Variants in CLPTM1 observed in about 807,000 individuals in gnomAD.
The protein encoded by CLPTM1 is CLPTM1 regulator of GABA type A receptor forward trafficking.
A neutral mutation model predicts 77.3 loss-of-function variants in CLPTM1; 21 were observed. The ratio of observed to expected loss-of-function variants is 0.27; its 90% CI spans 0.19 to 0.39. The LOEUF is 0.39. Among genes scored for constraint, CLPTM1 ranks in the 10% least tolerant of loss-of-function variants. The pLI, the probability that CLPTM1 is intolerant of heterozygous loss-of-function variation, is 1.00. For missense variants in CLPTM1, 642 were observed against 921.2 expected, an observed-to-expected ratio of 0.70 and a Z score of 3.92; for synonymous variants, 373 against 381.0, an observed-to-expected ratio of 0.98 and a Z score of 0.24.
chr19:44,960,649 A>G (rs1020804494), intron 1 of CLPTM1, among the ~76,000 whole-genome samples: 2 of 152,172 alleles, frequency 1.3e-5, no homozygotes, highest in African/African-American at 2.4e-5. Context: ...GACATTTGCT[A>G]TCTGGTGGGT....
chr19:44,962,510 T>G (rs1342422786), intron 2 of CLPTM1, among the ~76,000 whole-genome samples: 3 of 152,160 alleles, frequency 2.0e-5, no homozygotes, highest in African/African-American at 7.2e-5. Context: ...GAAGGCCGTC[T>G]TCTCCCTGTG....
chr19:44,955,199 T>G (rs1424561092), upstream of CLPTM1: 30 of 1,532,870 alleles, frequency 2.0e-5, no homozygotes, highest in African/African-American at 2.7e-5. Flanking sequence ...ACAAACGGGC[T>G]GGGAGAAAGA....
At chr19:44,964,567 T>A (rs2122247370) in intron 2 of CLPTM1, among the ~76,000 whole-genome samples, 1 of 152,200 alleles carries the variant, frequency 6.6e-6, no homozygotes, top group East Asian at 1.9e-4. Context: ...CGCCTCAGCC[T>A]CCTAAAGTCC....
chr19:44,977,516 GCC>G, intron 5 of CLPTM1, 56 bp downstream of exon 5: 1 of 1,318,788 alleles, frequency 7.6e-7, no homozygotes, highest in Non-Finnish European at 1.1e-6. Flanking sequence ...CATCCTGGGA[GCC>G]CCCAGGCTAA....
chr19:44,982,090 T>C (rs1970906130), intron 5 of CLPTM1, among the ~76,000 whole-genome samples: 1 of 151,210 alleles, frequency 6.6e-6, no homozygotes, highest in Non-Finnish European at 1.5e-5. Flanking sequence ...GGCTCACATC[T>C]GTAATCCCAG....
chr19:44,973,773 T>TTTTTG (rs1034104457), intron 3 of CLPTM1, among the ~76,000 whole-genome samples: 2 of 145,976 alleles, frequency 1.4e-5, no homozygotes, highest in African/African-American at 5.2e-5. Flanking sequence ...TTTTTTTTTT[T>TTTTTG]TTTTTTTTGA....
chr19:44,963,857 A>G (rs575904628), intron 2 of CLPTM1, among the ~76,000 whole-genome samples: 3 of 151,446 alleles, frequency 2.0e-5, no homozygotes, highest in Admixed American at 6.6e-5. Flanking sequence ...ACCTCAGGCA[A>G]TCTGCCCGCC....
intron 5 of CLPTM1, among the ~76,000 whole-genome samples, 187 bp downstream of exon 5, chr19:44,977,647 C>T (rs183863127): frequency 7.2e-5 from 11 of 152,254 alleles, no homozygotes; most frequent in Admixed American, 4.6e-4. Context: ...GGACACTAAG[C>T]AGGGATACCC....
intron 1 of CLPTM1, 170 bp downstream of exon 1, chr19:44,955,637 C>A: frequency 1.7e-6 from 1 of 595,522 alleles, no homozygotes; most frequent in Non-Finnish European, 2.4e-6. Context: ...CCGGACGGTG[C>A]CGGGAACAGG....
chr19:44,975,630 C>T (rs971663921), intron 4 of CLPTM1, among the ~76,000 whole-genome samples: 2 of 151,928 alleles, frequency 1.3e-5, no homozygotes, highest in African/African-American at 4.8e-5. Context: ...AGTGGCGCAA[C>T]CTTGGCTCAC....
chr19:44,962,163 G>T, intron 2 of CLPTM1, 88 bp downstream of exon 2: 1 of 746,632 alleles, frequency 1.3e-6, no homozygotes, highest in Non-Finnish European at 2.2e-6. Context: ...AGCTGAGGAT[G>T]GTGATCATTA....
rs1189245794 is a variant in CLPTM1, at chr19:44,990,248, GGA to G, written c.1133-141_1133-140del. On this transcript the variant is annotated intron_variant, in intron 9 of 13. Coordinates refer to ENST00000337392, the MANE Select transcript of CLPTM1 (RefSeq NM_001294.4). This position sits in a 1 kb window ranked among gnomAD's most constrained non-coding sequence, Gnocchi z 4.8. The stretch of plus-strand genomic sequence containing the variant: ...CCCAATGAATATGAGAGCCTTCCTG[GGA>G]GAGAGGGGTCTCGTTCAGCACCCCT... 2 of 751,036 alleles carry G rather than the reference GGA, an allele frequency of 2.7e-6. No individual in the cohort carries two copies. The highest frequency in any genetic ancestry group is 4.4e-6 in the Non-Finnish European group (2 of 454,446). The allele number at this position is 751,036 out of a possible 1,614,324, so 46.5% of individuals were successfully genotyped here.
In CLPTM1 at chr19:44,992,768, C is replaced by T; in HGVS notation, c.1881C>T (p.Pro627=). The T allele has an allele frequency of 6.2e-7, 1 of 1,612,380 alleles. No individual in the cohort carries two copies. The part of the protein sequence containing the change: ...AAGALTPTPA[P]TTTTATREEA... ...GGGCCCTCACGCCCACACCTGCACC[C>T]ACCACGACCACCGCCACCAGGGAGG... The change falls in exon 14 of 14, where the codon CCC becomes CCT. Residue 627 remains proline (P), a synonymous_variant. Transcript: ENST00000337392. This position sits in a 1 kb window ranked among gnomAD's most constrained non-coding sequence, Gnocchi z 7.7.
Position 44,990,962 on chromosome 19 carries a change from G to C in CLPTM1, c.1419+17G>C. The C allele has an allele frequency of 6.4e-7, 1 of 1,559,798 alleles. No homozygotes were observed. The highest frequency in any genetic ancestry group is 8.7e-7 in the Non-Finnish European group (1 of 1,153,256). ...TATGATGATGTGAGTGTCCTGCACAGTGGGCCCCTGGGGGTGGTCTCCAGG... is the reference window on the plus strand; with the variant it reads ...TATGATGATGTGAGTGTCCTGCACACTGGGCCCCTGGGGGTGGTCTCCAGG... On this transcript the variant is annotated intron_variant, in intron 11 of 13. Coordinates refer to ENST00000337392, the MANE Select transcript of CLPTM1 (RefSeq NM_001294.4). This position sits in a 1 kb window ranked among gnomAD's most constrained non-coding sequence, Gnocchi z 4.8.
chr19:44,971,487 G>T (rs932848022), intron 2 of CLPTM1, among the ~76,000 whole-genome samples: 1 of 152,094 alleles, frequency 6.6e-6, no homozygotes, highest in Non-Finnish European at 1.5e-5. Flanking sequence ...TTCTCCAAAA[G>T]TTCAGAAATG....
In CLPTM1 at chr19:44,991,423, G is replaced by T; in HGVS notation, c.1555+50G>T. 6.3e-7 allele frequency: 1 copy of T among 1,592,488 alleles called. No individual in the cohort carries two copies. The highest frequency in any genetic ancestry group is 8.5e-7 in the Non-Finnish European group (1 of 1,172,118). On this transcript the variant is annotated intron_variant, in intron 12 of 13. Transcript: ENST00000337392. This position sits in a 1 kb window ranked among gnomAD's most constrained non-coding sequence, Gnocchi z 5.4. ...GAGAGCAGGCCCCATGCTGCGCAGG[G>T]CTCACAGCCCCAGTGTAGGAGACAG...
At chr19:44,965,677 G>C (rs892246304) in intron 2 of CLPTM1, among the ~76,000 whole-genome samples, 1 of 152,084 alleles carries the variant, frequency 6.6e-6, no homozygotes, top group Admixed American at 6.6e-5. Context: ...AGCCAGGTGT[G>C]GTGGCGGGCG....
intron 5 of CLPTM1, among the ~76,000 whole-genome samples, chr19:44,981,304 G>A (rs945400952): frequency 5.9e-4 from 89 of 152,100 alleles, no homozygotes; most frequent in African/African-American, 1.9e-3. Context: ...ACCACGCCCA[G>A]CTAATTTTGT....
chr19:44,979,326 T>C (rs1282354512), intron 5 of CLPTM1, among the ~76,000 whole-genome samples: 3 of 152,078 alleles, frequency 2.0e-5, no homozygotes, highest in Non-Finnish European at 4.4e-5. Flanking sequence ...TGTCTCCTGA[T>C]GGGCAGCCGT....
Sources: allele counts gnomAD v4.1 joint callset (sites outside exome capture counted in the v4.1 genomes callset), GRCh38; gene constraint gnomAD v4.1.1; non-coding constraint Gnocchi (gnomAD v3.1); transcripts MANE v1.5; gene names NCBI Gene and HGNC (gene_info 2026-07-23, HGNC 2026-07-21).